CTNNA1: variants seen among roughly 807,000 people sequenced by gnomAD.
CTNNA1 encodes catenin alpha-1.
Under a neutral mutation model 98.4 loss-of-function variants are expected in CTNNA1, and 37 were observed. The observed-to-expected ratio is 0.38, with a 90% CI of 0.29 to 0.49. The LOEUF (loss-of-function observed/expected upper bound fraction) is 0.49, where lower values mean the gene tolerates loss of function less well. Among genes scored for constraint, CTNNA1 ranks in the 20% least tolerant of loss-of-function variants. CTNNA1 has a pLI of 0.95. For missense variants in CTNNA1, 761 were observed against 1,147.2 expected, an observed-to-expected ratio of 0.66 and a Z score of 4.86; for synonymous variants, 404 against 413.2, an observed-to-expected ratio of 0.98 and a Z score of 0.27.
intron 9 of CTNNA1, among the ~76,000 whole-genome samples, chr5:138,897,947 G>A (rs1404330373): frequency 2.0e-5 from 3 of 152,196 alleles, no homozygotes; most frequent in Non-Finnish European, 4.4e-5. Flanking sequence ...CCTTTGCTCT[G>A]TTCCAGAAAA....
chr5:138,832,468 G>A (rs1020413784), intron 7 of CTNNA1, among the ~76,000 whole-genome samples: 5 of 152,114 alleles, frequency 3.3e-5, no homozygotes, highest in Non-Finnish European at 5.9e-5. Flanking sequence ...AAGTTGCTTT[G>A]CCTGTGAGAG....
At chr5:138,800,124 T>G (rs754166145) in intron 3 of CTNNA1, among the ~76,000 whole-genome samples, 2 of 152,144 alleles carry the variant, frequency 1.3e-5, no homozygotes, top group Non-Finnish European at 2.9e-5. Context: ...TTTGAACTCC[T>G]GATAAATGAA....
chr5:138,805,264 C>G (rs1333092246), intron 3 of CTNNA1, among the ~76,000 whole-genome samples: 1 of 152,180 alleles, frequency 6.6e-6, no homozygotes, highest in Non-Finnish European at 1.5e-5. Context: ...GACACAGATC[C>G]AAACCATATC....
rs142673796 is a variant in CTNNA1, at chr5:138,816,619, G to T, written c.588+4317G>T. The stretch of plus-strand genomic sequence containing the variant: ...TGGAGGTTTTGATTTGCTTTTCTCT[G>T]ATGATTAGTGATGTTGAGGATCTTT... On this transcript the variant is annotated intron_variant, in intron 5 of 17. Transcript: ENST00000302763. Among the ~76,000 whole-genome samples the T allele has an allele frequency of 4.3e-4, 65 of 152,118 alleles. No homozygotes were observed. In the East Asian group the frequency reaches 6.6e-3, roughly 15 times the overall value.
At chr5:138,815,562 C>T (rs1246438357) in intron 5 of CTNNA1, among the ~76,000 whole-genome samples, 4 of 152,142 alleles carry the variant, frequency 2.6e-5, no homozygotes, top group African/African-American at 9.7e-5. Flanking sequence ...TAACTGCTGC[C>T]TCCTCTTGTC....
At chr5:138,823,956 C>CAAAAAAAAAAAAA (rs369653057) in intron 5 of CTNNA1, among the ~76,000 whole-genome samples, 37 of 64,420 alleles carry the variant, frequency 5.7e-4, no homozygotes, top group Admixed American at 7.3e-4. Context: ...GACTCCGTCT[C>CAAAAAAAAAAAAA]AAAAAAAAAA....
At chr5:138,808,569 C>T (rs945486385) in intron 3 of CTNNA1, among the ~76,000 whole-genome samples, 1 of 151,516 alleles carries the variant, frequency 6.6e-6, no homozygotes, top group East Asian at 1.9e-4. Flanking sequence ...GCTTCTAAGC[C>T]TAATTAATAT....
rs767671999 is a variant in CTNNA1 at position 138,874,166 on chromosome 5, A to T, written c.1063-12046A>T. ...CAGGTCCAAATTTTGCAGGTTAATC[A>T]GTTGGGTAAAAGTTGTGTTTGGCAA... On this transcript the variant is annotated intron_variant, in intron 7 of 17. Transcript: ENST00000302763. This position sits in a 1 kb window ranked among gnomAD's most constrained non-coding sequence, Gnocchi z 4.1. The T allele has an allele frequency of 6.2e-7, 1 of 1,613,924 alleles. No homozygotes were observed. Among genetic ancestry groups the T allele is most frequent in the Non-Finnish European group, 8.5e-7 (1 of 1,179,798 alleles).
intron 7 of CTNNA1, chr5:138,827,994 G>T: frequency 2.3e-6 from 1 of 433,060 alleles, no homozygotes; most frequent in East Asian, 4.7e-5. Flanking sequence ...ACATGTGTAG[G>T]TGTGTGTATA....
intron 1 of CTNNA1, among the ~76,000 whole-genome samples, chr5:138,777,545 C>A (rs1177621075): frequency 1.3e-5 from 2 of 151,942 alleles, no homozygotes; most frequent in African/African-American, 4.8e-5. Flanking sequence ...GAGATCACGC[C>A]ACTGCACTCC....
Position 138,925,305 on chromosome 5 carries a change from C to T in CTNNA1, c.1797C>T (p.Ser599=), listed in dbSNP as rs1346496726. ...EQVEAAVEAL[S]SDPAQPMDEN... ...TAGAAGCAGCCGTGGAAGCCCTCAG[C>T]TCGGACCCTGCCCAGCCCATGGATG... is the stretch of plus-strand genomic sequence containing the variant. Residue 599 remains serine (S), a synonymous_variant, in exon 13 of 18, where the codon AGC becomes AGT. Transcript: ENST00000302763. 2 of 1,614,042 alleles carry T rather than the reference C, an allele frequency of 1.2e-6. No individual in the cohort carries two copies. The highest frequency in any genetic ancestry group is 1.7e-6 in the Non-Finnish European group (2 of 1,180,046).
chr5:138,769,775 C>T (rs1020398938), intron 1 of CTNNA1, among the ~76,000 whole-genome samples: 2 of 152,054 alleles, frequency 1.3e-5, no homozygotes, highest in Non-Finnish European at 2.9e-5. Context: ...TCAGGTGATC[C>T]GCCCGCCTCG....
At chr5:138,882,956 G>A (rs188554226) in intron 7 of CTNNA1, among the ~76,000 whole-genome samples, 1,691 of 152,278 alleles carry the variant, frequency 0.011, 27 homozygotes, top group African/African-American at 0.039. Flanking sequence ...AGCCTCCCGA[G>A]TAGCTGGGAT....
At chr5:138,924,173 A>G (rs1442335339) in intron 11 of CTNNA1, among the ~76,000 whole-genome samples, 1 of 152,210 alleles carries the variant, frequency 6.6e-6, no homozygotes, top group Non-Finnish European at 1.5e-5. Flanking sequence ...CTAGAGGAAG[A>G]TAAGTTATTG....
intron 3 of CTNNA1, among the ~76,000 whole-genome samples, chr5:138,809,568 T>A (rs1350998890): frequency 6.6e-6 from 1 of 152,136 alleles, no homozygotes; most frequent in Non-Finnish European, 1.5e-5. Context: ...TACCAGTGAG[T>A]CTCTGTTATG....
intron 3 of CTNNA1, among the ~76,000 whole-genome samples, chr5:138,791,787 C>CTTTTT (rs1168548486): frequency 3.3e-5 from 3 of 92,262 alleles, no homozygotes; most frequent in Admixed American, 1.3e-4. Context: ...GTTTTCTCAG[C>CTTTTT]TTTTTTTTTT....
At chr5:138,842,356 C>T (rs981909919) in intron 7 of CTNNA1, among the ~76,000 whole-genome samples, 3 of 152,168 alleles carry the variant, frequency 2.0e-5, no homozygotes, top group African/African-American at 7.2e-5. Flanking sequence ...CTAATAAACA[C>T]ACTTGTTGCC....
rs372092301 is a variant in CTNNA1 at position 138,811,541 on chromosome 5, C to T, written c.469-642C>T. Among the ~76,000 whole-genome samples, 223 of 151,346 alleles carry T rather than the reference C, an allele frequency of 1.5e-3. 7 individuals carry two copies. The East Asian group carries it at 0.034, about 23-fold the overall frequency. ...GGCGGCCGGGCAGAGGCTGCACTCTCGGCGCTTTGGGAGGCCAAGGCAGGT... is the reference window on the plus strand; with the variant it reads ...GGCGGCCGGGCAGAGGCTGCACTCTTGGCGCTTTGGGAGGCCAAGGCAGGT... On this transcript the variant is annotated intron_variant, in intron 4 of 17. Coordinates refer to ENST00000302763, the MANE Select transcript of CTNNA1 (RefSeq NM_001903.5).
At chr5:138,932,431 G>A (rs945398430) in intron 16 of CTNNA1, 147 bp from the exon 17 acceptor site, 1 of 1,456,076 alleles carries the variant, frequency 6.9e-7, no homozygotes, top group African/African-American at 1.4e-5. Context: ...CAAGGGCTGT[G>A]ACTGCCTCAG....
Sources: gnomAD v4.1 joint callset for allele counts (sites outside exome capture counted in the v4.1 genomes callset) on GRCh38, gnomAD v4.1.1 for gene constraint, Gnocchi (gnomAD v3.1) non-coding constraint, MANE v1.5 for transcripts, NCBI Gene and HGNC (gene_info 2026-07-23, HGNC 2026-07-21) for gene names.